DENND4A: variants seen among roughly 807,000 people sequenced by gnomAD.
The protein encoded by DENND4A is DENN domain containing 4A.
In DENND4A, 70 loss-of-function variants were observed where a neutral mutation model predicts 199.3. That is an observed-to-expected ratio of 0.35 (90% CI 0.29 to 0.43). DENND4A has a LOEUF of 0.43. Among genes scored for constraint, DENND4A ranks in the 20% least tolerant of loss-of-function variants. The probability of loss-of-function intolerance (pLI) is 1.00; values close to 1 mark genes in which losing one functional copy is unlikely to be tolerated. For synonymous variants in DENND4A, 686 were observed against 766.9 expected, an observed-to-expected ratio of 0.89 and a Z score of 1.74; for missense variants, 1,723 against 2,255.8, an observed-to-expected ratio of 0.76 and a Z score of 4.78.
At chr15:65,753,732 G>GT (rs1198153833) in intron 3 of DENND4A, 1 of 151,712 alleles carries the variant, frequency 6.6e-6, no homozygotes, top group Non-Finnish European at 1.5e-5. Context: ...TATAAAACTT[G>GT]TAACAAGCAA....
chr15:65,734,562 G>A (rs2076058563), intron 7 of DENND4A, among the ~76,000 whole-genome samples: 2 of 152,052 alleles, frequency 1.3e-5, no homozygotes, highest in South Asian at 4.1e-4. Context: ...TCTTTTCCAA[G>A]TCTCTTGTTC....
chr15:65,709,720 ATAT>A (rs1418041033), intron 14 of DENND4A, among the ~76,000 whole-genome samples: 38 of 50,654 alleles, frequency 7.5e-4, no homozygotes, highest in African/African-American at 3.4e-3. Flanking sequence ...AAAAAAAAAA[ATAT>A]ATATATATAT....
chr15:65,744,202 T>C (rs991497027), intron 4 of DENND4A, among the ~76,000 whole-genome samples: 8 of 152,042 alleles, frequency 5.3e-5, no homozygotes, highest in African/African-American at 1.4e-4. Context: ...TGAAGTACAG[T>C]ATAAGAGTCA....
chr15:65,679,021 G>T (rs2076480264), intron 23 of DENND4A, among the ~76,000 whole-genome samples: 1 of 151,386 alleles, frequency 6.6e-6, no homozygotes, highest in Non-Finnish European at 1.5e-5. Context: ...TTGCCTTCTG[G>T]TATTGTTAGA....
chr15:65,715,961 AAT>A (rs1181755515), intron 13 of DENND4A, among the ~76,000 whole-genome samples: 1 of 151,898 alleles, frequency 6.6e-6, no homozygotes, highest in Non-Finnish European at 1.5e-5. Context: ...TCTCCATATA[AAT>A]ATATATATCA....
At chr15:65,771,971 C>G in intron 1 of DENND4A, 7 of 1,538,496 alleles carry the variant, frequency 4.5e-6, no homozygotes, top group Non-Finnish European at 6.3e-6. Context: ...TCTTTCGTAA[C>G]TCCAAGTACT....
chr15:65,708,023 G>T (rs1191683502), intron 14 of DENND4A, among the ~76,000 whole-genome samples: 2 of 151,956 alleles, frequency 1.3e-5, no homozygotes, highest in Non-Finnish European at 2.9e-5. Context: ...TTGAGACAGG[G>T]TCTTGCTCTG....
chr15:65,668,154 CAG>C, intron 27 of DENND4A, 31 bp from the exon 28 acceptor site: 1 of 1,480,538 alleles, frequency 6.8e-7, no homozygotes, highest in Non-Finnish European at 9.1e-7. Flanking sequence ...GAAAGTGTAT[CAG>C]TGTCTAGATT....
At position 65,690,439 on chromosome 15, in the gene DENND4A, G is replaced by C. The variant is rs754804465; in HGVS notation, c.4155C>G (p.Phe1385Leu). ...CCTTAGATGATGTGGTGTACATGGT[G>C]AATCTTGAATACCATTTGCTTGCTT... ...AEKASKWYSR[F>L]TMYTTSSKDQ... The change falls in exon 23 of 33, where the codon TTC (phenylalanine) becomes TTG (leucine). Residue 1385 changes from phenylalanine to leucine, a missense_variant. Transcript: ENST00000443035. The C allele has an allele frequency of 2.5e-6, 4 of 1,594,730 alleles. No individual in the cohort carries two copies. The highest frequency in any genetic ancestry group is 3.4e-5 in the Admixed American group (2 of 58,460).
chr15:65,701,785 T>C lies in DENND4A; in HGVS notation c.2536A>G (p.Ile846Val). Residue 846 changes from isoleucine to valine, a missense_variant, in exon 18 of 33, where the codon ATT (isoleucine) becomes GTT (valine). By Grantham distance (29) the Ile-to-Val change is conservative. Transcript: ENST00000443035. Reference sequence around the variant, plus strand: ...ACCTTATTATAATAACCATAAGTAATGGCATTGGGGTCAATACCAGCTTTC... The same window carrying C: ...ACCTTATTATAATAACCATAAGTAACGGCATTGGGGTCAATACCAGCTTTC... The part of the protein sequence containing the change: ...MQKAGIDPNA[I>V]TYGYYNKAVL... 2 of 1,613,778 alleles carry C rather than the reference T, an allele frequency of 1.2e-6. No individual in the cohort carries two copies. Among genetic ancestry groups the C allele is most frequent in the South Asian group, 1.1e-5 (1 of 91,084 alleles).
intron 12 of DENND4A, among the ~76,000 whole-genome samples, chr15:65,720,434 T>C (rs1328595551): frequency 1.3e-5 from 2 of 148,508 alleles, no homozygotes; most frequent in Non-Finnish European, 3.0e-5. Flanking sequence ...TTTTTTGAGA[T>C]GGAGTCTCAC....
At chr15:65,750,445 T>C (rs2076531536) in intron 4 of DENND4A, among the ~76,000 whole-genome samples, 1 of 152,024 alleles carries the variant, frequency 6.6e-6, no homozygotes, top group African/African-American at 2.4e-5. Context: ...ATGCAATATA[T>C]ACCTTTGTAA....
chr15:65,684,307 G>A (rs2076679028), intron 23 of DENND4A, among the ~76,000 whole-genome samples: 2 of 152,204 alleles, frequency 1.3e-5, no homozygotes, highest in Admixed American at 1.3e-4. Flanking sequence ...GTTTTCCAAA[G>A]TGGCTGTACC....
intron 3 of DENND4A, among the ~76,000 whole-genome samples, chr15:65,753,160 T>C (rs1254716728): frequency 2.6e-5 from 4 of 152,112 alleles, no homozygotes; most frequent in Non-Finnish European, 5.9e-5. Context: ...TTCTCTTTAT[T>C]GGGGTAAAAT....
Position 65,698,856 on chromosome 15 carries a change from G to A in DENND4A, c.2834-1473C>T, listed in dbSNP as rs1231090703. Among the ~76,000 whole-genome samples the A allele has an allele frequency of 4.1e-5, 6 of 145,216 alleles. No individual in the cohort carries two copies. The South Asian group carries it at 1.1e-3, about 27-fold the overall frequency. On this transcript the variant is annotated intron_variant, in intron 20 of 32. Transcript: ENST00000443035. ...GGGTTCAAGCAATTCTCGTGCCTAC[G>A]CCTCCCAAGTAGCTGGGATTACAGG...
intron 23 of DENND4A, among the ~76,000 whole-genome samples, chr15:65,681,661 C>T (rs1427983403): frequency 7.2e-5 from 11 of 151,752 alleles, no homozygotes; most frequent in African/African-American, 1.2e-4. Context: ...ATGCAACCTC[C>T]GCTTCCCAGA....
rs1451889202 is a variant in DENND4A at position 65,785,841 on chromosome 15, G to C, written c.-102+6169C>G. Among the ~76,000 whole-genome samples the C allele has an allele frequency of 2.0e-5, 3 of 151,982 alleles. No individual in the cohort carries two copies. In the East Asian group the frequency reaches 5.8e-4, roughly 29 times the overall value. ...ATTACAGTAACTTGGGTCCATATTG[G>C]TCACTGTTCAAGAAATCTGGAAACT... is the stretch of plus-strand genomic sequence containing the variant. On this transcript the variant is annotated intron_variant, in intron 1 of 32. Coordinates refer to ENST00000443035, the MANE Select transcript of DENND4A (RefSeq NM_001320835.1).
At chr15:65,760,265 G>A (rs185223097) in intron 2 of DENND4A, among the ~76,000 whole-genome samples, 3 of 152,350 alleles carry the variant, frequency 2.0e-5, no homozygotes, top group Admixed American at 1.3e-4. Context: ...GGAAGGCCAA[G>A]GCGGGCAGAT....
At chr15:65,695,674 T>G (rs562073862) in intron 22 of DENND4A, among the ~76,000 whole-genome samples, 6 of 152,270 alleles carry the variant, frequency 3.9e-5, no homozygotes, top group African/African-American at 1.4e-4. Context: ...ACAAAAAAAT[T>G]TATTAGGTAA....
Sources: allele counts gnomAD v4.1 joint callset (sites outside exome capture counted in the v4.1 genomes callset), GRCh38; gene constraint gnomAD v4.1.1; transcripts MANE v1.5; gene names NCBI Gene and HGNC (gene_info 2026-07-23, HGNC 2026-07-21).